DCDC1: variants seen among roughly 807,000 people sequenced by gnomAD.
DCDC1 encodes the protein doublecortin domain containing 1.
Under a neutral mutation model 178.3 loss-of-function variants are expected in DCDC1, and 200 were observed. The ratio of observed to expected loss-of-function variants is 1.12; its 90% confidence interval spans 1.00 to 1.26. The LOEUF (loss-of-function observed/expected upper bound fraction) is 1.26, where lower values mean the gene tolerates loss of function less well. Ranked by LOEUF, DCDC1 falls within the 50% of genes most tolerant of loss-of-function variation. The probability of loss-of-function intolerance (pLI) is 0.00; values close to 1 mark genes in which losing one functional copy is unlikely to be tolerated. For missense variants in DCDC1, 1,983 were observed against 1,749.2 expected (o/e 1.13, Z -2.38); for synonymous variants, 690 against 604.8 (o/e 1.14, Z -2.07).
At chr11:31,204,766 G>A (rs980111374) in intron 9 of DCDC1, among the ~76,000 whole-genome samples, 1 of 152,214 alleles carries the variant, frequency 6.6e-6, no homozygotes, top group African/African-American at 2.4e-5. Context: ...AGGTTGCAGT[G>A]AGCCGAGATT....
At chr11:30,999,819 CAAATA>C (rs1047469566) in intron 20 of DCDC1, among the ~76,000 whole-genome samples, 4 of 152,032 alleles carry the variant, frequency 2.6e-5, no homozygotes, top group Non-Finnish European at 5.9e-5. Context: ...ATACAAACGT[CAAATA>C]AAATAAAATA....
intron 20 of DCDC1, among the ~76,000 whole-genome samples, chr11:30,986,768 T>C (rs113160400): frequency 3.6e-4 from 55 of 152,290 alleles, no homozygotes; most frequent in African/African-American, 1.2e-3. Context: ...AATCAGTAGT[T>C]TCTTTTCCAG....
At chr11:31,026,835 A>T in intron 20 of DCDC1, among the ~76,000 whole-genome samples, 1 of 151,890 alleles carries the variant, frequency 6.6e-6, no homozygotes, top group East Asian at 1.9e-4. Flanking sequence ...TACTTAAGGA[A>T]AAGTTATATT....
chr11:31,028,525 T>TGG, intron 20 of DCDC1, among the ~76,000 whole-genome samples: 1 of 151,890 alleles, frequency 6.6e-6, no homozygotes, highest in Non-Finnish European at 1.5e-5. Context: ...TTTAAACCAT[T>TGG]CCTGTTTTCA....
At chr11:31,045,545 G>A (rs1260296059) in intron 20 of DCDC1, among the ~76,000 whole-genome samples, 2 of 152,026 alleles carry the variant, frequency 1.3e-5, no homozygotes, top group South Asian at 2.1e-4. Flanking sequence ...CCAGGAATTC[G>A]TTTTGTAGCT....
chr11:31,114,823 A>G lies in DCDC1; in HGVS notation c.1486-4462T>C, dbSNP rs772466521. On this transcript the variant is annotated intron_variant, in intron 11 of 38. Coordinates refer to ENST00000684477, the MANE Select transcript of DCDC1 (RefSeq NM_001387274.1). ...TAACACATTTTTTAAAAGGATCATT[A>G]TGGCTGCTGCCTTGGAGTAGACTGT... Among the ~76,000 whole-genome samples the G allele has an allele frequency of 5.9e-5, 9 of 152,284 alleles. No individual in the cohort carries two copies. In the South Asian group the frequency reaches 6.2e-4, roughly 11 times the overall value.
intron 1 of DCDC1, among the ~76,000 whole-genome samples, chr11:31,365,014 T>C (rs751225437): frequency 1.3e-5 from 2 of 152,220 alleles, no homozygotes; most frequent in Non-Finnish European, 2.9e-5. Flanking sequence ...ACCTGCAAGT[T>C]ATTAATTAAT....
chr11:30,912,714 G>A (rs953686001), intron 27 of DCDC1, among the ~76,000 whole-genome samples: 1 of 152,146 alleles, frequency 6.6e-6, no homozygotes, highest in African/African-American at 2.4e-5. Context: ...CTTTTTTAAT[G>A]AGTCCTGAAC....
intron 13 of DCDC1, among the ~76,000 whole-genome samples, chr11:31,104,165 T>C (rs1278101827): frequency 6.6e-6 from 1 of 152,140 alleles, no homozygotes; most frequent in Non-Finnish European, 1.5e-5. Flanking sequence ...CGAACAACTA[T>C]TTCTGTGAGC....
chr11:31,321,609 C>T (rs949903769), intron 3 of DCDC1, among the ~76,000 whole-genome samples: 8 of 152,250 alleles, frequency 5.3e-5, no homozygotes, highest in East Asian at 3.9e-4. Context: ...AGAAATCACC[C>T]GTCTTCTGCG....
intron 20 of DCDC1, among the ~76,000 whole-genome samples, chr11:30,962,720 G>C (rs2134592560): frequency 6.6e-6 from 1 of 152,150 alleles, no homozygotes; most frequent in Admixed American, 6.6e-5. Flanking sequence ...TCTCTTGGAA[G>C]TTCGCTTTTA....
chr11:31,038,357 C>A (rs1402628731), intron 20 of DCDC1, among the ~76,000 whole-genome samples: 1 of 151,862 alleles, frequency 6.6e-6, no homozygotes, highest in Non-Finnish European at 1.5e-5. Flanking sequence ...ATTTTATTTT[C>A]TTGATTGCTT....
At chr11:30,918,556 A>C (rs899779039) in intron 25 of DCDC1, among the ~76,000 whole-genome samples, 1 of 152,156 alleles carries the variant, frequency 6.6e-6, no homozygotes, top group African/African-American at 2.4e-5. Context: ...GAGTCAAAGA[A>C]GGTTTCTCTG....
At position 31,357,559 on chromosome 11, in the gene DCDC1, T is replaced by G. The variant is rs1172642656; in HGVS notation, c.-125+12138A>C. On this transcript the variant is annotated intron_variant, in intron 1 of 38. Transcript: ENST00000684477. ...GGGATGCCCTCTCTCACCACTCCTA[T>G]TCAACATAGTGTTGGAAGTTCTGGC... Among the ~76,000 whole-genome samples, 4 of 152,280 alleles carry G rather than the reference T, an allele frequency of 2.6e-5. No homozygotes were observed. In the South Asian group the frequency reaches 8.3e-4, roughly 32 times the overall value.
intron 21 of DCDC1, among the ~76,000 whole-genome samples, chr11:30,939,763 C>T (rs760850037): frequency 3.9e-4 from 60 of 152,124 alleles, no homozygotes; most frequent in Non-Finnish European, 7.1e-4. Flanking sequence ...TGCAGGCTGG[C>T]TGTCAGTACT....
At chr11:31,213,163 G>GTCTCTCT (rs1972972363) in intron 9 of DCDC1, among the ~76,000 whole-genome samples, 1 of 73,856 alleles carries the variant, frequency 1.4e-5, no homozygotes, top group African/African-American at 5.8e-5. Context: ...CTCTCTCTCT[G>GTCTCTCT]CTTTCTTTAC....
intron 18 of DCDC1, among the ~76,000 whole-genome samples, chr11:31,071,520 T>A (rs1956560279): frequency 6.6e-6 from 1 of 152,176 alleles, no homozygotes. Context: ...CCTGCTTCCT[T>A]GTATTCATAC....
In DCDC1 at chr11:30,864,983, G is replaced by A. The variant is rs894653098; in HGVS notation, c.*390C>T. 5 of 151,724 alleles carry A rather than the reference G, an allele frequency of 3.3e-5. 1 individual carries two copies. The highest frequency in any genetic ancestry group is 9.7e-5 in the African/African-American group (4 of 41,298). 9.4% of individuals were successfully genotyped at this position (151,724 alleles called of 1,614,324 possible). ...TATTTTTTATTTTTTATTTTTTGCA[G>A]AGGCCTCCACTTTTTATTTCAGTTG... On this transcript the variant is annotated 3_prime_UTR_variant, in exon 39 of 39. Coordinates refer to ENST00000684477, the MANE Select transcript of DCDC1 (RefSeq NM_001387274.1).
intron 9 of DCDC1, among the ~76,000 whole-genome samples, chr11:31,213,100 C>CCTCTCTCTCTCTCTCT (rs71060480): frequency 1.1e-4 from 5 of 44,268 alleles, no homozygotes; most frequent in Non-Finnish European, 1.8e-4. Context: ...TAAAGCCCAG[C>CCTCTCTCTCTCTCTCT]CTCTCTCTCT....
Sources: gnomAD v4.1 joint callset for allele counts (sites outside exome capture counted in the v4.1 genomes callset) on GRCh38, gnomAD v4.1.1 for gene constraint, MANE v1.5 for transcripts, NCBI Gene and HGNC (gene_info 2026-07-23, HGNC 2026-07-21) for gene names.